Variants in RAB3C observed in about 807,000 individuals in gnomAD.
The protein encoded by RAB3C is ras-related protein Rab-3C.
A neutral mutation model predicts 26.4 loss-of-function variants in RAB3C; 17 were observed. The observed-to-expected ratio is 0.64, with a 90% CI of 0.44 to 0.97. The LOEUF (loss-of-function observed/expected upper bound fraction) is 0.97. RAB3C is among the 50% of genes least tolerant of loss of function. The pLI is 0.00. For synonymous variants in RAB3C, 91 were observed against 95.9 expected (o/e 0.95, Z 0.30); for missense variants, 242 against 281.9 (o/e 0.86, Z 1.01).
At chr5:58,583,268 T>C (rs1400839062) in intron 1 of RAB3C, 36 bp downstream of exon 1, 2 of 1,613,612 alleles carry the variant, frequency 1.2e-6, no homozygotes, top group African/African-American at 1.3e-5. Flanking sequence ...TCGGGAGGAA[T>C]TGAAAGAGAT....
At chr5:58,651,867 A>AC (rs1370474780) in intron 2 of RAB3C, among the ~76,000 whole-genome samples, 2 of 152,224 alleles carry the variant, frequency 1.3e-5, no homozygotes. Context: ...TAACGTACGC[A>AC]CATCCTCTGC....
At chr5:58,590,615 T>C (rs1746107815) in intron 1 of RAB3C, among the ~76,000 whole-genome samples, 1 of 152,124 alleles carries the variant, frequency 6.6e-6, no homozygotes, top group Non-Finnish European at 1.5e-5. Context: ...GGATCTCAGC[T>C]CATTGCAATC....
chr5:58,739,548 T>TA (rs976158604), intron 3 of RAB3C, among the ~76,000 whole-genome samples: 8 of 151,498 alleles, frequency 5.3e-5, no homozygotes, highest in East Asian at 1.9e-4. Flanking sequence ...AGGAAACTAT[T>TA]AAAAAAAAAT....
At chr5:58,757,925 G>T (rs796714866) in intron 3 of RAB3C, among the ~76,000 whole-genome samples, 6 of 142,514 alleles carry the variant, frequency 4.2e-5, no homozygotes, top group East Asian at 2.0e-4. Flanking sequence ...TGTTTTTGTT[G>T]TTGTTGTTGT....
intron 2 of RAB3C, among the ~76,000 whole-genome samples, chr5:58,710,617 A>C (rs907734756): frequency 6.7e-6 from 1 of 150,080 alleles, no homozygotes; most frequent in South Asian, 2.1e-4. Flanking sequence ...TAAATAAATA[A>C]ATAAATAAAT....
chr5:58,590,723 C>T lies in RAB3C; in HGVS notation c.24+7491C>T, dbSNP rs184128936. Among the ~76,000 whole-genome samples the T allele has an allele frequency of 6.9e-3, 1,054 of 151,830 alleles. 8 individuals carry two copies. The highest frequency in any genetic ancestry group is 0.03 in the South Asian group (144 of 4,804). On this transcript the variant is annotated intron_variant, in intron 1 of 4. Transcript: ENST00000282878. ...ACACCCAGCTAATTTTTGCATTTTT[C>T]GTAGAGACATAGGGTTTCACCATGT...
rs527311301 is a variant in RAB3C, at chr5:58,769,109, G to A, written c.371+42989G>A. ...AGACCAAGAAGAACCGAGGATGGCCGTTAGTTTTGGGCCCTGAGCTTCTCG... is the reference window on the plus strand; with the variant it reads ...AGACCAAGAAGAACCGAGGATGGCCATTAGTTTTGGGCCCTGAGCTTCTCG... On this transcript the variant is annotated intron_variant, in intron 3 of 4. Transcript: ENST00000282878. 1.1e-4 allele frequency among the ~76,000 whole-genome samples: 16 copies of A among 152,050 alleles called. No individual in the cohort carries two copies. In the South Asian group the frequency reaches 1.5e-3, roughly 14 times the overall value.
At chr5:58,786,565 G>A (rs1742387039) in intron 3 of RAB3C, among the ~76,000 whole-genome samples, 1 of 152,106 alleles carries the variant, frequency 6.6e-6, no homozygotes, top group Admixed American at 6.5e-5. Flanking sequence ...GTTCTTCCAT[G>A]CTCTGTGTAT....
At chr5:58,849,354 T>C (rs750104290) in intron 4 of RAB3C, among the ~76,000 whole-genome samples, 6 of 152,140 alleles carry the variant, frequency 3.9e-5, no homozygotes, top group Non-Finnish European at 7.4e-5. Flanking sequence ...CCATTAGGTC[T>C]GGGAAAATCA....
At position 58,810,827 on chromosome 5, in the gene RAB3C, C is replaced by T. The variant is rs554608784; in HGVS notation, c.372-14211C>T. Among the ~76,000 whole-genome samples the T allele has an allele frequency of 2.6e-5, 4 of 152,332 alleles. No homozygotes were observed. The South Asian group carries it at 8.3e-4, about 32-fold the overall frequency. ...GGCCAGGCTGGTCTCGAACTCCTGACTTCAAGTGATCCACCCGCCTTGGCA... is the reference window on the plus strand; with the variant it reads ...GGCCAGGCTGGTCTCGAACTCCTGATTTCAAGTGATCCACCCGCCTTGGCA... On this transcript the variant is annotated intron_variant, in intron 3 of 4. Transcript: ENST00000282878.
At chr5:58,844,955 T>A (rs1021915700) in intron 4 of RAB3C, among the ~76,000 whole-genome samples, 17 of 152,324 alleles carry the variant, frequency 1.1e-4, no homozygotes, top group African/African-American at 4.1e-4. Flanking sequence ...ATGGTGTAGC[T>A]ATTGATGGGT....
At chr5:58,583,358 G>A in intron 1 of RAB3C, 126 bp downstream of exon 1, 1 of 1,549,960 alleles carries the variant, frequency 6.5e-7, no homozygotes. Flanking sequence ...GCGGCTCTGT[G>A]ACATGACCCT....
intron 2 of RAB3C, among the ~76,000 whole-genome samples, chr5:58,707,536 G>C (rs1748968244): frequency 6.6e-6 from 1 of 152,152 alleles, no homozygotes; most frequent in South Asian, 2.1e-4. Flanking sequence ...GTACAGAAAG[G>C]TTGATTGATT....
intron 2 of RAB3C, among the ~76,000 whole-genome samples, chr5:58,708,505 C>A (rs529731870): frequency 6.6e-6 from 1 of 152,272 alleles, no homozygotes; most frequent in South Asian, 2.1e-4. Context: ...AGAGTGGCAC[C>A]CAGCTGGAGA....
intron 3 of RAB3C, among the ~76,000 whole-genome samples, chr5:58,743,517 A>G (rs146912480): frequency 1.1e-4 from 16 of 152,104 alleles, no homozygotes; most frequent in African/African-American, 3.9e-4. Flanking sequence ...TCTAGGTTTT[A>G]AGCCCTCATG....
rs971720830 is a variant in RAB3C at position 58,853,679 on chromosome 5, G to C, written c.*2328G>C. The C allele has an allele frequency of 2.6e-5, 4 of 152,154 alleles. No homozygotes were observed. Among genetic ancestry groups the C allele is most frequent in the African/African-American group, 9.7e-5 (4 of 41,438 alleles). The allele number at this position is 152,154 out of a possible 1,614,324, so 9.4% of individuals were successfully genotyped here. A position where few individuals can be genotyped will look rare whatever the true frequency, so the allele number is the denominator to read the frequency against. ...AACATTTTATGCCAGTCAGGGGAGA[G>C]ACAGGCAACAATAGCCCAAATGTCA... On this transcript the variant is annotated 3_prime_UTR_variant, in exon 5 of 5. Transcript: ENST00000282878.
In RAB3C at chr5:58,854,627, G is replaced by A. The variant is rs923747823; in HGVS notation, c.*3276G>A. The A allele has an allele frequency of 4.6e-5, 7 of 152,168 alleles. No individual in the cohort carries two copies. The highest frequency in any genetic ancestry group is 1.7e-4 in the African/African-American group (7 of 41,438). 9.4% of individuals were successfully genotyped at this position (152,168 alleles called of 1,614,324 possible). A position where few individuals can be genotyped will look rare whatever the true frequency, so the allele number is the denominator to read the frequency against. ...CCAACTGCCTTGATGAACTTCTAATGACTGTGAAAGCTAGGAGGTTCTTCT... is the reference window on the plus strand; with the variant it reads ...CCAACTGCCTTGATGAACTTCTAATAACTGTGAAAGCTAGGAGGTTCTTCT... On this transcript the variant is annotated 3_prime_UTR_variant, in exon 5 of 5. Transcript: ENST00000282878.
At chr5:58,725,061 A>G (rs1206482969) in intron 2 of RAB3C, among the ~76,000 whole-genome samples, 3 of 151,788 alleles carry the variant, frequency 2.0e-5, no homozygotes, top group Non-Finnish European at 4.4e-5. Flanking sequence ...TTCTTTTTGC[A>G]TATTAATGGA....
At chr5:58,725,218 C>T (rs1740861914) in intron 2 of RAB3C, among the ~76,000 whole-genome samples, 1 of 151,766 alleles carries the variant, frequency 6.6e-6, no homozygotes, top group South Asian at 2.1e-4. Context: ...TCTTGGATGG[C>T]AGGTTTCTTC....
Sources: allele counts gnomAD v4.1 joint callset (sites outside exome capture counted in the v4.1 genomes callset), GRCh38; gene constraint gnomAD v4.1.1; transcripts MANE v1.5; gene names NCBI Gene and HGNC (gene_info 2026-07-23, HGNC 2026-07-21).